DRD2: variants seen among roughly 807,000 people sequenced by gnomAD.
DRD2 encodes D(2) dopamine receptor.
In DRD2, 8 loss-of-function variants were observed where a neutral mutation model predicts 38.0. The ratio of observed to expected loss-of-function variants is 0.21; its 90% CI spans 0.12 to 0.38. The LOEUF is 0.38. Ranked by LOEUF, DRD2 falls within the 10% of genes least tolerant of loss-of-function variation. DRD2 has a pLI of 1.00. For synonymous variants in DRD2, 230 were observed against 238.6 expected (o/e 0.96, Z 0.33); for missense variants, 403 against 607.7 (o/e 0.66, Z 3.54).
At chr11:113,424,892 A>T (rs1443360829) in intron 1 of DRD2, 6 of 574,116 alleles carry the variant, frequency 1.0e-5, no homozygotes, top group African/African-American at 1.9e-5. Flanking sequence ...AGCAAACACA[A>T]TTTTTTAAAA....
At chr11:113,424,976 C>A (rs1422229373) in intron 1 of DRD2, 3 of 406,466 alleles carry the variant, frequency 7.4e-6, no homozygotes, top group Non-Finnish European at 9.2e-6. Flanking sequence ...TTCTTAAGCA[C>A]GACCCATGCA....
intron 1 of DRD2, among the ~76,000 whole-genome samples, chr11:113,468,536 G>A (rs1249505030): frequency 6.6e-6 from 1 of 151,646 alleles, no homozygotes. Context: ...GGTTTTTTTT[G>A]TTTTTTGTTT....
chr11:113,475,100 G>C lies in DRD2; in HGVS notation c.-56C>G, dbSNP rs1407140209. 6.6e-6 allele frequency: 1 copy of C among 151,966 alleles called. No homozygotes were observed. Among genetic ancestry groups the C allele is most frequent in the African/African-American group, 2.4e-5 (1 of 41,544 alleles). 9.4% of individuals were successfully genotyped at this position (151,966 alleles called of 1,614,324 possible). On this transcript the variant is annotated 5_prime_UTR_variant, in exon 1 of 8. Transcript: ENST00000362072. ...CCTTCAAGCCATAGGGCGCCCGGGG[G>C]CAGAGACGGCGCCGGCTGCTTGAGG...
chr11:113,412,476 C>T lies in DRD2; in HGVS notation c.1138+80G>A, dbSNP rs1421251422. 2.6e-6 allele frequency: 4 copies of T among 1,548,710 alleles called. No individual in the cohort carries two copies. The East Asian group carries it at 6.8e-5, about 26-fold the overall frequency. ...AGGAAATGCTAGCCCCATGATCCTG[C>T]AGCCATGGTTAGGAAGGACATGGCA... On this transcript the variant is annotated intron_variant, in intron 7 of 7. Coordinates refer to ENST00000362072, the MANE Select transcript of DRD2 (RefSeq NM_000795.4).
At chr11:113,433,632 G>T (rs1349863632) in intron 1 of DRD2, among the ~76,000 whole-genome samples, 1 of 152,208 alleles carries the variant, frequency 6.6e-6, no homozygotes, top group Non-Finnish European at 1.5e-5. Context: ...TCTTGGCTAT[G>T]TTATCTGCAG....
At chr11:113,419,467 C>CACACAT (rs1950862228) in intron 2 of DRD2, among the ~76,000 whole-genome samples, 1 of 151,288 alleles carries the variant, frequency 6.6e-6, no homozygotes, top group Admixed American at 6.6e-5. Context: ...CACACACACA[C>CACACAT]ACACATGAAC....
chr11:113,439,797 C>T (rs1591289847), intron 1 of DRD2, among the ~76,000 whole-genome samples: 1 of 124,854 alleles, frequency 8.0e-6, no homozygotes, highest in Admixed American at 1.0e-4. Context: ...CCAGATCACA[C>T]CACTGCACTC....
intron 1 of DRD2, among the ~76,000 whole-genome samples, chr11:113,442,184 A>G (rs1182535576): frequency 6.6e-6 from 1 of 152,198 alleles, no homozygotes; most frequent in Non-Finnish European, 1.5e-5. Context: ...GGCAGAAGCC[A>G]AGGCAGAGAT....
chr11:113,467,519 T>C (rs1951381683), intron 1 of DRD2, among the ~76,000 whole-genome samples: 1 of 152,214 alleles, frequency 6.6e-6, no homozygotes, highest in Non-Finnish European at 1.5e-5. Flanking sequence ...GGGGGTCTGC[T>C]CATGTGAAGT....
intron 1 of DRD2, among the ~76,000 whole-genome samples, chr11:113,430,499 C>G (rs1468383796): frequency 2.0e-5 from 3 of 152,166 alleles, no homozygotes; most frequent in Non-Finnish European, 4.4e-5. Flanking sequence ...GAGTGGATAG[C>G]AATACAGGGC....
Position 113,412,812 on chromosome 11 carries a change from C to A in DRD2, c.882G>T (p.Arg294=). The change falls in exon 7 of 8, where the codon CGG becomes CGT. Residue 294 remains arginine, a synonymous_variant. Coordinates refer to ENST00000362072, the MANE Select transcript of DRD2 (RefSeq NM_000795.4). ...LSSTSPPERT[R]YSPIPPSHHQ... is the part of the protein sequence containing the mutation. ...GGTGGCTGGGTGGGATGGGGCTGTA[C>A]CGGGTCCTCTCGGGTGGGCTGGTGC... The A allele has an allele frequency of 6.2e-7, 1 of 1,613,592 alleles. No individual in the cohort carries two copies. Among genetic ancestry groups the A allele is most frequent in the Non-Finnish European group, 8.5e-7 (1 of 1,179,836 alleles).
chr11:113,461,954 C>G (rs751545710), intron 1 of DRD2, among the ~76,000 whole-genome samples: 6 of 152,196 alleles, frequency 3.9e-5, no homozygotes, highest in Non-Finnish European at 8.8e-5. Context: ...CATGGGCCTT[C>G]CCTTGCTGGA....
chr11:113,471,390 G>T (rs1368853143), intron 1 of DRD2, among the ~76,000 whole-genome samples: 1 of 152,116 alleles, frequency 6.6e-6, no homozygotes, highest in East Asian at 1.9e-4. Flanking sequence ...ATCCTTAGTG[G>T]CTCCATGGTA....
At chr11:113,428,638 T>A (rs1031961923) in intron 1 of DRD2, among the ~76,000 whole-genome samples, 28 of 152,026 alleles carry the variant, frequency 1.8e-4, no homozygotes, top group East Asian at 5.8e-4. Context: ...AATTTTTTTT[T>A]AATAGAGACA....
chr11:113,442,914 A>T (rs1344831340), intron 1 of DRD2, among the ~76,000 whole-genome samples: 2 of 152,122 alleles, frequency 1.3e-5, no homozygotes, highest in African/African-American at 4.8e-5. Flanking sequence ...TCCTCCATGC[A>T]GTGCTGGGCT....
chr11:113,442,774 T>C (rs1951106462), intron 1 of DRD2, among the ~76,000 whole-genome samples: 1 of 152,158 alleles, frequency 6.6e-6, no homozygotes, highest in South Asian at 2.1e-4. Context: ...TGTCACAGAT[T>C]GAAACAAAAC....
chr11:113,440,426 T>A (rs1591290260), intron 1 of DRD2, among the ~76,000 whole-genome samples: 1 of 152,240 alleles, frequency 6.6e-6, no homozygotes, highest in Non-Finnish European at 1.5e-5. Context: ...CTGTTAGGTT[T>A]CTCTGCGAAA....
chr11:113,421,469 G>C (rs1950883271), intron 2 of DRD2, among the ~76,000 whole-genome samples: 1 of 152,110 alleles, frequency 6.6e-6, no homozygotes, highest in South Asian at 2.1e-4. Context: ...ATGCACACAG[G>C]AAGCCGCTCC....
intron 1 of DRD2, among the ~76,000 whole-genome samples, chr11:113,450,813 T>C (rs1056083741): frequency 2.0e-5 from 3 of 152,184 alleles, no homozygotes; most frequent in African/African-American, 7.2e-5. Context: ...GCCAAAAATT[T>C]ACATTGTTAA....
Sources: gnomAD v4.1 joint callset for allele counts (sites outside exome capture counted in the v4.1 genomes callset) on GRCh38, gnomAD v4.1.1 for gene constraint, MANE v1.5 for transcripts, NCBI Gene and HGNC (gene_info 2026-07-23, HGNC 2026-07-21) for gene names.